DCC: variants seen among roughly 807,000 people sequenced by gnomAD.
The protein encoded by DCC is netrin receptor DCC.
Under a neutral mutation model 172.5 loss-of-function variants are expected in DCC, and 58 were observed. The observed-to-expected ratio is 0.34, with a 90% CI of 0.27 to 0.42. DCC has a LOEUF of 0.42. DCC is among the 10% of genes least tolerant of loss of function. The pLI, the probability that DCC is intolerant of heterozygous loss-of-function variation, is 1.00. For missense variants in DCC, 1,740 were observed against 1,791.0 expected (o/e 0.97, Z 0.51); for synonymous variants, 709 against 644.5 (o/e 1.10, Z -1.52).
intron 7 of DCC, among the ~76,000 whole-genome samples, chr18:53,125,756 G>A (rs1327376216): frequency 7.9e-5 from 12 of 152,124 alleles, no homozygotes; most frequent in Admixed American, 7.9e-4. Flanking sequence ...CAGCTCCGAA[G>A]TGTACACACA....
chr18:53,157,548 G>C, intron 8 of DCC, 36 bp downstream of exon 8: 2 of 1,610,252 alleles, frequency 1.2e-6, no homozygotes, highest in Non-Finnish European at 1.7e-6. Context: ...AGCTTAATCG[G>C]TCATCTCTTT....
intron 1 of DCC, among the ~76,000 whole-genome samples, chr18:52,678,305 T>A (rs1266518254): frequency 6.6e-6 from 1 of 152,156 alleles, no homozygotes; most frequent in Non-Finnish European, 1.5e-5. Context: ...TGATCTATAA[T>A]CATTTCTTCA....
intron 7 of DCC, among the ~76,000 whole-genome samples, chr18:53,095,247 G>T (rs1395284077): frequency 1.3e-5 from 2 of 152,160 alleles, no homozygotes; most frequent in Non-Finnish European, 2.9e-5. Context: ...ACAGAATGAA[G>T]TCTGAAGGAG....
chr18:52,999,636 A>C (rs1467802430), intron 5 of DCC, among the ~76,000 whole-genome samples: 2 of 152,128 alleles, frequency 1.3e-5, no homozygotes, highest in East Asian at 3.9e-4. Context: ...GCTCTGCTAA[A>C]TAGGAAAATA....
At chr18:52,592,967 C>T (rs540848043) in intron 1 of DCC, among the ~76,000 whole-genome samples, 2 of 152,246 alleles carry the variant, frequency 1.3e-5, no homozygotes, top group East Asian at 3.9e-4. Flanking sequence ...GTCAATTTTA[C>T]TTCCACTATC....
intron 5 of DCC, among the ~76,000 whole-genome samples, chr18:53,015,675 G>T (rs1241073181): frequency 6.6e-6 from 1 of 151,788 alleles, no homozygotes; most frequent in Admixed American, 6.6e-5. Flanking sequence ...TTTTTTTATT[G>T]CAACTCTTCG....
At chr18:53,171,660 T>G (rs2055015585) in intron 8 of DCC, among the ~76,000 whole-genome samples, 1 of 152,202 alleles carries the variant, frequency 6.6e-6, no homozygotes, top group Non-Finnish European at 1.5e-5. Flanking sequence ...CATTTTTACC[T>G]GGACATGTCC....
At chr18:52,675,342 AC>A (rs1174750821) in intron 1 of DCC, among the ~76,000 whole-genome samples, 2 of 152,166 alleles carry the variant, frequency 1.3e-5, no homozygotes, top group East Asian at 3.9e-4. Context: ...AATGTGAGCC[AC>A]CATGCCCGGC....
chr18:53,430,854 C>G, intron 21 of DCC, among the ~76,000 whole-genome samples: 1 of 151,922 alleles, frequency 6.6e-6, no homozygotes, highest in East Asian at 1.9e-4. Flanking sequence ...TTACTTCTGC[C>G]AATTTTTTCT....
intron 22 of DCC, among the ~76,000 whole-genome samples, chr18:53,446,336 C>T (rs1000477887): frequency 6.6e-6 from 1 of 152,118 alleles, no homozygotes; most frequent in East Asian, 1.9e-4. Context: ...TAACGAGTGC[C>T]AACTTTGTGC....
chr18:52,367,836 G>A (rs2144289258), intron 1 of DCC, among the ~76,000 whole-genome samples: 1 of 152,338 alleles, frequency 6.6e-6, no homozygotes, highest in African/African-American at 2.4e-5. Context: ...CTGCAAGTGT[G>A]ATGGTGTACT....
chr18:52,412,314 A>T (rs1266627631), intron 1 of DCC, among the ~76,000 whole-genome samples: 2 of 152,142 alleles, frequency 1.3e-5, no homozygotes, highest in Non-Finnish European at 2.9e-5. Flanking sequence ...TATCATGGTT[A>T]ATGTACCCTG....
intron 1 of DCC, among the ~76,000 whole-genome samples, chr18:52,422,484 C>A (rs1987281866): frequency 6.6e-6 from 1 of 152,192 alleles, no homozygotes. Flanking sequence ...AATCCCACTT[C>A]ATCTGCAAGA....
chr18:53,187,898 C>A (rs988475657), intron 9 of DCC, among the ~76,000 whole-genome samples: 2 of 152,148 alleles, frequency 1.3e-5, no homozygotes, highest in East Asian at 1.9e-4. Context: ...CTATGACAAG[C>A]AATTACTGCT....
chr18:52,821,403 A>G (rs575901001), intron 2 of DCC, among the ~76,000 whole-genome samples: 1 of 152,294 alleles, frequency 6.6e-6, no homozygotes, highest in South Asian at 2.1e-4. Flanking sequence ...AATAGTTTCC[A>G]TTAAAAATAT....
chr18:53,217,747 G>C (rs1192597572), intron 12 of DCC, among the ~76,000 whole-genome samples: 3 of 152,056 alleles, frequency 2.0e-5, no homozygotes, highest in East Asian at 3.8e-4. Context: ...ACCCCTGACT[G>C]TGACCATTTC....
chr18:52,789,307 A>T (rs9966461), intron 2 of DCC, among the ~76,000 whole-genome samples: 6,549 of 152,138 alleles, frequency 0.043, 220 homozygotes, highest in South Asian at 0.16. Flanking sequence ...TTTCCCAAGG[A>T]GTTCCAGGCT....
chr18:52,509,057 T>C (rs935016754), intron 1 of DCC, among the ~76,000 whole-genome samples: 52 of 152,380 alleles, frequency 3.4e-4, no homozygotes, highest in Non-Finnish European at 6.0e-4. Flanking sequence ...AAGACGTTTT[T>C]GAAGTAAGTG....
intron 7 of DCC, among the ~76,000 whole-genome samples, chr18:53,105,686 TTTATGCTTTG>T (rs2043234828): frequency 6.6e-6 from 1 of 151,900 alleles, no homozygotes; most frequent in Non-Finnish European, 1.5e-5. Context: ...CCTGATTTCA[TTTATGCTTTG>T]CTGTCCCCTC....
Sources: allele counts gnomAD v4.1 joint callset (sites outside exome capture counted in the v4.1 genomes callset), GRCh38; gene constraint gnomAD v4.1.1; transcripts MANE v1.5; gene names NCBI Gene and HGNC (gene_info 2026-07-23, HGNC 2026-07-21).